Variants in EPM2A observed in about 807,000 individuals in gnomAD.
EPM2A encodes the protein EPM2A glucan phosphatase, laforin.
EPM2A carries 21 observed loss-of-function variants against 26.5 expected under a neutral mutation model. The observed-to-expected ratio is 0.79, with a 90% confidence interval of 0.56 to 1.14. EPM2A has a LOEUF of 1.14. Among genes scored for constraint, EPM2A ranks in the 50% most tolerant of loss-of-function variants. EPM2A has a pLI of 0.00. For synonymous variants in EPM2A, 217 were observed against 177.6 expected (o/e 1.22, Z -1.76); for missense variants, 458 against 440.8 (o/e 1.04, Z -0.35).
At chr6:145,560,390 AG>A (rs1208223138) in intron 2 of EPM2A, among the ~76,000 whole-genome samples, 2 of 152,154 alleles carry the variant, frequency 1.3e-5, no homozygotes, top group African/African-American at 4.8e-5. Context: ...TTTGTAAATC[AG>A]GGGTGAACAA....
At chr6:145,629,199 G>A (rs943961848) in intron 3 of EPM2A, 1 of 152,526 alleles carries the variant, frequency 6.6e-6, no homozygotes, top group African/African-American at 2.4e-5. Flanking sequence ...AGTTCCTTGA[G>A]CTCCATCCTT....
At chr6:145,479,013 G>A (rs985746011) in intron 4 of EPM2A, among the ~76,000 whole-genome samples, 1 of 151,240 alleles carries the variant, frequency 6.6e-6, no homozygotes, top group Non-Finnish European at 1.5e-5. Context: ...TCTAATTTGT[G>A]AGGTGCTGTG....
At chr6:145,635,149 C>T in intron 3 of EPM2A, 96 bp downstream of exon 3, 1 of 1,348,192 alleles carries the variant, frequency 7.4e-7, no homozygotes, top group Non-Finnish European at 1.1e-6. Flanking sequence ...TCCATTTCTA[C>T]CATTCATTTT....
chr6:145,730,661 G>T (rs761613385), intron 1 of EPM2A, among the ~76,000 whole-genome samples: 1 of 152,182 alleles, frequency 6.6e-6, no homozygotes, highest in Non-Finnish European at 1.5e-5. Context: ...TTGGTTACAT[G>T]AATTGATTTT....
chr6:145,395,011 G>A (rs534268355), intron 4 of EPM2A, among the ~76,000 whole-genome samples: 57 of 152,282 alleles, frequency 3.7e-4, no homozygotes, highest in African/African-American at 1.3e-3. Flanking sequence ...GGGACACAAG[G>A]TCTCTAAAGA....
chr6:145,674,173 A>G (rs1027796073), intron 2 of EPM2A, among the ~76,000 whole-genome samples: 2 of 152,216 alleles, frequency 1.3e-5, no homozygotes, highest in Admixed American at 6.5e-5. Flanking sequence ...GTGGACCTGA[A>G]GCAAACTCCA....
chr6:145,462,919 A>G (rs1475815077), intron 4 of EPM2A, among the ~76,000 whole-genome samples: 1 of 152,172 alleles, frequency 6.6e-6, no homozygotes, highest in African/African-American at 2.4e-5. Context: ...TTGATTTAAT[A>G]CCAAGATTTC....
intron 2 of EPM2A, among the ~76,000 whole-genome samples, chr6:145,676,490 C>G (rs560779605): frequency 4.6e-5 from 7 of 152,086 alleles, no homozygotes; most frequent in Admixed American, 2.6e-4. Flanking sequence ...AATCCAGGAG[C>G]TGGTTTTTTG....
intron 2 of EPM2A, among the ~76,000 whole-genome samples, chr6:145,521,249 T>C (rs963528469): frequency 2.6e-5 from 4 of 152,082 alleles, no homozygotes; most frequent in Non-Finnish European, 5.9e-5. Context: ...ATTTTCTCAG[T>C]GAAATAAAAG....
At chr6:145,458,171 C>T (rs78842531) in intron 4 of EPM2A, among the ~76,000 whole-genome samples, 1 of 152,270 alleles carries the variant, frequency 6.6e-6, no homozygotes, top group South Asian at 2.1e-4. Flanking sequence ...TCCCTGTGTT[C>T]GTCTATCATT....
chr6:145,568,255 G>A (rs555563871), intron 2 of EPM2A, among the ~76,000 whole-genome samples: 4 of 152,008 alleles, frequency 2.6e-5, no homozygotes, highest in African/African-American at 7.2e-5. Context: ...CTGAGCCTCA[G>A]AGAGATTGAA....
chr6:145,713,625 G>GT (rs1314170092), intron 1 of EPM2A, among the ~76,000 whole-genome samples: 1 of 152,128 alleles, frequency 6.6e-6, no homozygotes, highest in Non-Finnish European at 1.5e-5. Context: ...TACACTGCTG[G>GT]TGAGTGGAAA....
chr6:145,498,261 C>A (rs1582800725), downstream of EPM2A, among the ~76,000 whole-genome samples: 3 of 152,188 alleles, frequency 2.0e-5, no homozygotes, highest in Admixed American at 2.0e-4. Flanking sequence ...GGCTGGAATT[C>A]CAAGCCAGTG....
intron 2 of EPM2A, among the ~76,000 whole-genome samples, chr6:145,675,023 G>C (rs1232547885): frequency 1.3e-5 from 2 of 152,192 alleles, no homozygotes; most frequent in Non-Finnish European, 2.9e-5. Context: ...AAATGTTAAG[G>C]GCAGCCAGAG....
At chr6:145,569,785 A>C (rs1189417750) in intron 2 of EPM2A, among the ~76,000 whole-genome samples, 1 of 152,212 alleles carries the variant, frequency 6.6e-6, no homozygotes, top group Non-Finnish European at 1.5e-5. Flanking sequence ...TGTGAGAGTC[A>C]GTAAAGTTAG....
chr6:145,636,486 TA>T (rs370865350), intron 2 of EPM2A: 1,842 of 141,870 alleles, frequency 0.013, 14 homozygotes, highest in Admixed American at 0.02. Flanking sequence ...CTCCATCTCT[TA>T]AAAAAAAAAA....
chr6:145,391,889 A>G (rs1778341195), intron 4 of EPM2A, among the ~76,000 whole-genome samples: 2 of 150,216 alleles, frequency 1.3e-5, no homozygotes, highest in Non-Finnish European at 3.0e-5. Flanking sequence ...CTTGGAAGAG[A>G]TATTTCTCTT....
At chr6:145,559,232 G>A (rs886965252) in intron 2 of EPM2A, among the ~76,000 whole-genome samples, 1 of 152,106 alleles carries the variant, frequency 6.6e-6, no homozygotes, top group African/African-American at 2.4e-5. Context: ...ATGGGAAATA[G>A]AGAGAAGGTG....
chr6:145,533,310 C>T (rs1780387646), intron 2 of EPM2A, among the ~76,000 whole-genome samples: 1 of 152,086 alleles, frequency 6.6e-6, no homozygotes, highest in Non-Finnish European at 1.5e-5. Flanking sequence ...CATCTTTCAC[C>T]TAGACTCCTG....
Sources: allele counts gnomAD v4.1 joint callset (sites outside exome capture counted in the v4.1 genomes callset), GRCh38; gene constraint gnomAD v4.1.1; transcripts MANE v1.5; gene names NCBI Gene and HGNC (gene_info 2026-07-23, HGNC 2026-07-21).